NEK10: variants seen among roughly 807,000 people sequenced by gnomAD.
NEK10 encodes NIMA related kinase 10, also known as serine/threonine-protein kinase Nek10.
In NEK10, 122 loss-of-function variants were observed where a neutral mutation model predicts 159.8. The observed-to-expected ratio is 0.76, with a 90% confidence interval of 0.66 to 0.89. The LOEUF (loss-of-function observed/expected upper bound fraction) is 0.89. Ranked by LOEUF, NEK10 falls within the 40% of genes least tolerant of loss-of-function variation. NEK10 has a pLI of 0.00. For synonymous variants in NEK10, 466 were observed against 457.1 expected (o/e 1.02, Z -0.25); for missense variants, 1,342 against 1,323.1 (o/e 1.01, Z -0.22).
intron 29 of NEK10, among the ~76,000 whole-genome samples, chr3:27,165,882 A>C (rs1380176364): frequency 6.6e-6 from 1 of 152,250 alleles, no homozygotes; most frequent in Non-Finnish European, 1.5e-5. Context: ...AGTCCTGGCC[A>C]AGAAGAAGAT....
At chr3:27,282,726 T>TTA (rs1161236007) in intron 22 of NEK10, among the ~76,000 whole-genome samples, 3 of 145,804 alleles carry the variant, frequency 2.1e-5, no homozygotes, top group South Asian at 2.1e-4. Flanking sequence ...CATAACTGTG[T>TTA]TATATATATA....
chr3:27,325,070 C>T lies in NEK10; in HGVS notation c.363-2809G>A, dbSNP rs115460636. Among the ~76,000 whole-genome samples the T allele has an allele frequency of 6.4e-3, 979 of 152,288 alleles. 15 individuals carry two copies. The highest frequency in any genetic ancestry group is 0.022 in the African/African-American group (931 of 41,556). ...TGTTCTAACCACAGTGTATGTTGTG[C>T]AGAAGTGGCCAACACAGCACAGACT... On this transcript the variant is annotated intron_variant, in intron 5 of 35. Coordinates refer to ENST00000691995, the MANE Select transcript of NEK10 (RefSeq NM_001394966.1).
intron 1 of NEK10, among the ~76,000 whole-genome samples, chr3:27,368,301 C>G (rs548195112): frequency 4.5e-4 from 67 of 149,380 alleles, no homozygotes; most frequent in Non-Finnish European, 8.0e-4. Context: ...AAAAAGGAGT[C>G]TTTTTTAGAA....
intron 1 of NEK10, among the ~76,000 whole-genome samples, chr3:27,356,558 T>C (rs1032431493): frequency 2.6e-5 from 4 of 152,176 alleles, no homozygotes; most frequent in African/African-American, 9.7e-5. Flanking sequence ...TATTCTATCA[T>C]AGCAGCACAA....
At chr3:27,365,089 C>T (rs1419718386) in intron 1 of NEK10, among the ~76,000 whole-genome samples, 1 of 152,196 alleles carries the variant, frequency 6.6e-6, no homozygotes, top group Admixed American at 6.5e-5. Flanking sequence ...GGCATTTATC[C>T]AGCTCTCTAT....
rs182520521 is a variant in NEK10, at chr3:27,240,751, A to G, written c.2090+15545T>C. Among the ~76,000 whole-genome samples, 9 of 151,396 alleles carry G rather than the reference A, an allele frequency of 5.9e-5. No individual in the cohort carries two copies. In the East Asian group the frequency reaches 1.8e-3, roughly 29 times the overall value. ...ACTGCAACCTCTGTCTCCCAGGCTC[A>G]AGCAATTCTCCTGCCTCAGCCTCCC... is the stretch of plus-strand genomic sequence containing the variant. On this transcript the variant is annotated intron_variant, in intron 23 of 35. Transcript: ENST00000691995.
chr3:27,215,364 G>C (rs1951411041), intron 23 of NEK10, among the ~76,000 whole-genome samples: 1 of 152,174 alleles, frequency 6.6e-6, no homozygotes, highest in South Asian at 2.1e-4. Flanking sequence ...TGGTGTGGCT[G>C]AATGAAATGA....
chr3:27,317,997 G>A (rs964180678), intron 6 of NEK10, among the ~76,000 whole-genome samples: 1 of 152,086 alleles, frequency 6.6e-6, no homozygotes, highest in African/African-American at 2.4e-5. Flanking sequence ...TAGAGACGGG[G>A]TTTCACCGTG....
At chr3:27,364,684 A>G (rs1424764306) in intron 1 of NEK10, among the ~76,000 whole-genome samples, 1 of 152,212 alleles carries the variant, frequency 6.6e-6, no homozygotes, top group Admixed American at 6.5e-5. Context: ...TTACAAGCAC[A>G]TTAGTATATT....
intron 26 of NEK10, among the ~76,000 whole-genome samples, chr3:27,187,699 T>G (rs1948746986): frequency 1.3e-5 from 2 of 151,028 alleles, no homozygotes; most frequent in Admixed American, 6.6e-5. Context: ...AGGCAGAGCT[T>G]GCAGTGAGCT....
At position 27,344,258 on chromosome 3, in the gene NEK10, AG is replaced by A. The variant is rs1237798819; in HGVS notation, c.362+13del. On this transcript the variant is annotated intron_variant, in intron 5 of 35. Transcript: ENST00000691995. ...ACTCTTCAGTAAAAGCCTGTTTTCC[AG>A]GAACAATCTTACCTGCTTATGAGTC... 1.5e-6 allele frequency: 2 copies of A among 1,367,268 alleles called. No individual in the cohort carries two copies. The highest frequency in any genetic ancestry group is 4.6e-5 in the East Asian group (2 of 43,408). The allele number at this position is 1,367,268 out of a possible 1,614,324, so 84.7% of individuals were successfully genotyped here.
chr3:27,368,379 T>C (rs2049260553), intron 1 of NEK10, among the ~76,000 whole-genome samples: 1 of 151,354 alleles, frequency 6.6e-6, no homozygotes, highest in Non-Finnish European at 1.5e-5. Flanking sequence ...AAAAAGTGGA[T>C]TGGATAGATA....
At chr3:27,214,996 T>A (rs1951362835) in intron 23 of NEK10, 2 of 675,380 alleles carry the variant, frequency 3.0e-6, no homozygotes, top group African/African-American at 3.6e-5. Context: ...CCGGTCCCAC[T>A]TCCGGCCAAG....
chr3:27,206,745 C>T (rs1416053332), intron 23 of NEK10: 1 of 388,448 alleles, frequency 2.6e-6, no homozygotes, highest in Non-Finnish European at 3.5e-6. Context: ...AACAATTTGC[C>T]TATTTTATAA....
At chr3:27,170,141 C>T (rs893776946) in intron 29 of NEK10, among the ~76,000 whole-genome samples, 1 of 152,170 alleles carries the variant, frequency 6.6e-6, no homozygotes, top group Non-Finnish European at 1.5e-5. Flanking sequence ...GGCTCCTTTG[C>T]TTGTATCCAA....
chr3:27,264,892 CTAAATAAATAAATAAATAAATAAATAAA>C (rs147191294), intron 22 of NEK10, among the ~76,000 whole-genome samples: 1 of 144,740 alleles, frequency 6.9e-6, no homozygotes, highest in African/African-American at 2.6e-5. Context: ...GAAAATCAGT[CTAAATAAATAAATAAATAAATAAATAAA>C]TAAATAAATA....
chr3:27,241,818 A>C (rs1954585922), intron 23 of NEK10, among the ~76,000 whole-genome samples: 1 of 152,224 alleles, frequency 6.6e-6, no homozygotes, highest in Non-Finnish European at 1.5e-5. Context: ...CTGTAAGTGC[A>C]GGAAGAGCAA....
chr3:27,197,791 T>A (rs1275259452), intron 25 of NEK10, among the ~76,000 whole-genome samples: 1 of 125,600 alleles, frequency 8.0e-6, no homozygotes, highest in African/African-American at 3.7e-5. Flanking sequence ...ACCAGTACTT[T>A]CTTTCTTTTT....
intron 26 of NEK10, among the ~76,000 whole-genome samples, chr3:27,184,631 T>A (rs1159789725): frequency 6.6e-6 from 1 of 152,214 alleles, no homozygotes; most frequent in Non-Finnish European, 1.5e-5. Context: ...CTATAAGGCA[T>A]TGCTTTATTT....
Sources: allele counts gnomAD v4.1 joint callset (sites outside exome capture counted in the v4.1 genomes callset), GRCh38; gene constraint gnomAD v4.1.1; transcripts MANE v1.5; gene names NCBI Gene and HGNC (gene_info 2026-07-23, HGNC 2026-07-21).